Variants in DCLK2 observed in about 807,000 individuals in gnomAD.
DCLK2 encodes doublecortin like kinase 2.
A neutral mutation model predicts 78.4 loss-of-function variants in DCLK2; 31 were observed. The observed-to-expected ratio is 0.40, with a 90% confidence interval of 0.30 to 0.53. The LOEUF (loss-of-function observed/expected upper bound fraction) is 0.53. DCLK2 is among the 20% of genes least tolerant of loss of function. The pLI is 0.61. For synonymous variants in DCLK2, 407 were observed against 374.9 expected (o/e 1.09, Z -0.99); for missense variants, 872 against 973.7 (o/e 0.90, Z 1.39).
chr4:150,134,001 A>G lies in DCLK2; in HGVS notation c.756+31189A>G, dbSNP rs77241257. Among the ~76,000 whole-genome samples, 18 of 151,976 alleles carry G rather than the reference A, an allele frequency of 1.2e-4. No homozygotes were observed. The East Asian group carries it at 3.5e-3, about 29-fold the overall frequency. The stretch of plus-strand genomic sequence containing the variant: ...AACAGAATTTAGTAGTTGTGATACA[A>G]TGTTGAAATTCAGGAAATGAGAATT... On this transcript the variant is annotated intron_variant, in intron 2 of 15. Coordinates refer to ENST00000296550, the MANE Select transcript of DCLK2 (RefSeq NM_001040260.4).
intron 2 of DCLK2, among the ~76,000 whole-genome samples, chr4:150,179,229 C>T (rs539144671): frequency 1.4e-4 from 21 of 152,132 alleles, no homozygotes; most frequent in South Asian, 6.2e-4. Context: ...AGGGTTTCAC[C>T]GTGTTAGCCA....
chr4:150,137,639 T>A (rs1196529102), intron 2 of DCLK2, among the ~76,000 whole-genome samples: 1 of 152,080 alleles, frequency 6.6e-6, no homozygotes, highest in African/African-American at 2.4e-5. Flanking sequence ...CAAGAAAAAT[T>A]TACCAGGAAC....
rs868629658 is a variant in DCLK2, at chr4:150,078,597, C to T, written c.-431C>T. The T allele has an allele frequency of 6.6e-6, 1 of 151,912 alleles. No homozygotes were observed. Among genetic ancestry groups the T allele is most frequent in the Non-Finnish European group, 1.5e-5 (1 of 68,078 alleles). 9.4% of individuals were successfully genotyped at this position (151,912 alleles called of 1,614,324 possible). On this transcript the variant is annotated 5_prime_UTR_variant, in exon 1 of 16. Transcript: ENST00000296550. ...CCGCGCCCCGCCCCACCCTTCCTTC[C>T]TTCCTCCCCTCGGCGCTCCCGGGAG...
chr4:150,168,017 G>A (rs1383283486), intron 2 of DCLK2, among the ~76,000 whole-genome samples: 1 of 152,102 alleles, frequency 6.6e-6, no homozygotes, highest in Non-Finnish European at 1.5e-5. Flanking sequence ...GGAGAAGGAG[G>A]GCGCAAGACC....
At chr4:150,173,975 A>G (rs140423034) in intron 2 of DCLK2, among the ~76,000 whole-genome samples, 28 of 152,334 alleles carry the variant, frequency 1.8e-4, no homozygotes, top group African/African-American at 6.7e-4. Flanking sequence ...TGAATCTTCC[A>G]TGATTATTAA....
At chr4:150,115,297 G>A (rs982428271) in intron 2 of DCLK2, among the ~76,000 whole-genome samples, 2 of 151,402 alleles carry the variant, frequency 1.3e-5, no homozygotes, top group African/African-American at 4.9e-5. Flanking sequence ...ATTTCTTTTT[G>A]TTGGTTTTTG....
intron 7 of DCLK2, among the ~76,000 whole-genome samples, chr4:150,223,509 C>T (rs779773702): frequency 8.6e-5 from 13 of 152,010 alleles, no homozygotes; most frequent in Non-Finnish European, 1.6e-4. Flanking sequence ...TTTGGGAGGC[C>T]GAGGCGGGAG....
chr4:150,162,129 C>T lies in DCLK2; in HGVS notation c.757-31009C>T, dbSNP rs1304893446. On this transcript the variant is annotated intron_variant, in intron 2 of 15. Transcript: ENST00000296550. ...CACTGCAGCCTCAACCTCCTGGGCT[C>T]AGATGATCCTCCCACCTCAGCCTCC... Among the ~76,000 whole-genome samples the T allele has an allele frequency of 2.6e-5, 4 of 152,132 alleles. No homozygotes were observed. The East Asian group carries it at 5.8e-4, about 22-fold the overall frequency.
intron 15 of DCLK2, chr4:150,253,158 A>T (rs935803918): frequency 8.5e-6 from 4 of 470,868 alleles, no homozygotes; most frequent in African/African-American, 6.0e-5. Context: ...CTGTCTTCGG[A>T]ACAGTTTTAA....
chr4:150,154,291 G>A (rs1011563510), intron 2 of DCLK2, among the ~76,000 whole-genome samples: 3 of 152,148 alleles, frequency 2.0e-5, no homozygotes, highest in African/African-American at 7.2e-5. Context: ...ACTAGACTGT[G>A]AGCTCCTTGA....
At chr4:150,093,484 C>A (rs1730236960) in intron 1 of DCLK2, among the ~76,000 whole-genome samples, 1 of 152,188 alleles carries the variant, frequency 6.6e-6, no homozygotes, top group African/African-American at 2.4e-5. Flanking sequence ...TGTGTTTAAG[C>A]TATTCTCGTG....
chr4:150,239,053 C>A (rs966245064), intron 10 of DCLK2, among the ~76,000 whole-genome samples: 2 of 152,138 alleles, frequency 1.3e-5, no homozygotes, highest in African/African-American at 4.8e-5. Flanking sequence ...AAGTACATCA[C>A]ACATAGTAAA....
rs116663869 is a variant in DCLK2, at chr4:150,162,495, G to C, written c.757-30643G>C. ...TCATAAAATTTCCATCCCATGTTGT[G>C]AAAGATCAGAATGTTAATTTTAGTT... On this transcript the variant is annotated intron_variant, in intron 2 of 15. Coordinates refer to ENST00000296550, the MANE Select transcript of DCLK2 (RefSeq NM_001040260.4). 3.0e-3 allele frequency among the ~76,000 whole-genome samples: 462 copies of C among 152,186 alleles called. 1 individual carries two copies. Among genetic ancestry groups the C allele is most frequent in the Non-Finnish European group, 5.5e-3 (376 of 68,014 alleles).
intron 8 of DCLK2, among the ~76,000 whole-genome samples, chr4:150,230,288 T>C (rs1393365551): frequency 6.6e-6 from 1 of 152,188 alleles, no homozygotes; most frequent in Non-Finnish European, 1.5e-5. Context: ...AAAAAGATAA[T>C]AACTTTTGGG....
chr4:150,110,516 A>G (rs376312435), intron 2 of DCLK2, among the ~76,000 whole-genome samples: 3 of 151,920 alleles, frequency 2.0e-5, no homozygotes, highest in Admixed American at 6.6e-5. Context: ...TTTAGGACAC[A>G]GTGGTTTTTG....
At chr4:150,168,291 G>C (rs534261838) in intron 2 of DCLK2, among the ~76,000 whole-genome samples, 1 of 151,482 alleles carries the variant, frequency 6.6e-6, no homozygotes, top group Non-Finnish European at 1.5e-5. Context: ...AGCTTGCAGT[G>C]AGCCGAGATC....
chr4:150,117,160 A>G (rs907259917), intron 2 of DCLK2, among the ~76,000 whole-genome samples: 1 of 152,110 alleles, frequency 6.6e-6, no homozygotes, highest in African/African-American at 2.4e-5. Context: ...TTCTCTGGCT[A>G]CTGGGGTAAT....
At chr4:150,173,145 G>T (rs1298398196) in intron 2 of DCLK2, among the ~76,000 whole-genome samples, 1 of 152,178 alleles carries the variant, frequency 6.6e-6, no homozygotes, top group African/African-American at 2.4e-5. Flanking sequence ...AAAGTAGAGG[G>T]GTGTAACATG....
chr4:150,237,407 T>C (rs1742590998), intron 10 of DCLK2, among the ~76,000 whole-genome samples: 1 of 152,238 alleles, frequency 6.6e-6, no homozygotes. Flanking sequence ...TGTAAATATC[T>C]ATGAGGGACT....
Sources: gnomAD v4.1 joint callset for allele counts (sites outside exome capture counted in the v4.1 genomes callset) on GRCh38, gnomAD v4.1.1 for gene constraint, MANE v1.5 for transcripts, NCBI Gene and HGNC (gene_info 2026-07-23, HGNC 2026-07-21) for gene names.